The following CD226 variants were observed in gnomAD, a reference collection of about 807,000 sequenced individuals.
CD226 encodes the protein CD226 antigen.
In CD226, 24 loss-of-function variants were observed where a neutral mutation model predicts 34.9. That is an observed-to-expected ratio of 0.69 (90% CI 0.50 to 0.97). The LOEUF (loss-of-function observed/expected upper bound fraction) is 0.97. CD226 is among the 50% of genes least tolerant of loss of function. The pLI, the probability that CD226 is intolerant of heterozygous loss-of-function variation, is 0.00. For synonymous variants in CD226, 148 were observed against 147.4 expected, an observed-to-expected ratio of 1.00 and a Z score of -0.03; for missense variants, 397 against 412.7, an observed-to-expected ratio of 0.96 and a Z score of 0.33.
intron 2 of CD226, among the ~76,000 whole-genome samples, chr18:69,906,130 G>A (rs1475533527): frequency 1.3e-5 from 2 of 152,076 alleles, no homozygotes; most frequent in South Asian, 2.1e-4. Flanking sequence ...CATTTGTGAT[G>A]CATGACATAT....
chr18:69,947,055 C>T lies in CD226; in HGVS notation c.61G>A (p.Val21Met), dbSNP rs1233302657. 1.2e-6 allele frequency: 2 copies of T among 1,613,312 alleles called. No homozygotes were observed. The highest frequency in any genetic ancestry group is 2.7e-5 in the African/African-American group (2 of 74,876). Residue 21 changes from valine (V) to methionine (M), a missense_variant, in exon 2 of 6, where the codon GTG becomes ATG. Physicochemically the swap from Val to Met is conservative, Grantham distance 21. Coordinates refer to ENST00000582621, the MANE Select transcript of CD226 (RefSeq NM_001303618.2). ...LHVYRALCEE[V>M]LWHTSVPFAE... Reference sequence around the variant, plus strand: ...AAGGGAACTGATGTATGCCAAAGCACCTCTTCACATAGAGCTGAAATATAC... The same window carrying T: ...AAGGGAACTGATGTATGCCAAAGCATCTCTTCACATAGAGCTGAAATATAC...
chr18:69,960,008 A>T (rs1352829508), upstream of CD226, among the ~76,000 whole-genome samples: 3 of 152,208 alleles, frequency 2.0e-5, no homozygotes, highest in Non-Finnish European at 4.4e-5. Flanking sequence ...GCACTTTGGG[A>T]GGCCAAGGCA....
rs372770627 is a variant in CD226, at chr18:69,955,660, G to A, written c.-28+1095C>T. On this transcript the variant is annotated intron_variant, in intron 1 of 6. Transcript: ENST00000280200. ...GGGCGGATCATGAGGTCAGGAGATC[G>A]AGACCATCGTGGCTAACACGGTGAA... Among the ~76,000 whole-genome samples, 44 of 152,120 alleles carry A rather than the reference G, an allele frequency of 2.9e-4. 1 individual carries two copies. Among genetic ancestry groups the A allele is most frequent in the African/African-American group, 1.1e-3 (44 of 41,524 alleles).
intron 2 of CD226, among the ~76,000 whole-genome samples, chr18:69,907,379 G>C (rs2055268244): frequency 1.3e-5 from 2 of 152,102 alleles, no homozygotes; most frequent in African/African-American, 4.8e-5. Context: ...TGCAGTGATG[G>C]TATCTTGACT....
chr18:69,872,794 T>G (rs1437575040), intron 4 of CD226, among the ~76,000 whole-genome samples: 2 of 152,198 alleles, frequency 1.3e-5, no homozygotes, highest in African/African-American at 4.8e-5. Flanking sequence ...CTGTTAAACC[T>G]TGTTCTTCCC....
At chr18:69,891,370 C>A (rs924284222) in intron 3 of CD226, among the ~76,000 whole-genome samples, 1 of 151,784 alleles carries the variant, frequency 6.6e-6, no homozygotes, top group Non-Finnish European at 1.5e-5. Context: ...AAGCCCACAG[C>A]TAACATCATA....
chr18:69,938,457 G>T (rs757320118), intron 2 of CD226, among the ~76,000 whole-genome samples: 1 of 152,128 alleles, frequency 6.6e-6, no homozygotes, highest in African/African-American at 2.4e-5. Flanking sequence ...ATCCACATGT[G>T]CTGGATGATC....
intron 2 of CD226, among the ~76,000 whole-genome samples, chr18:69,901,783 G>A (rs970689499): frequency 1.3e-5 from 2 of 151,928 alleles, no homozygotes; most frequent in African/African-American, 2.4e-5. Flanking sequence ...GGAGGCTGAG[G>A]CAGAAGAATG....
At chr18:69,883,314 A>C (rs562787573) in intron 3 of CD226, among the ~76,000 whole-genome samples, 1 of 152,204 alleles carries the variant, frequency 6.6e-6, no homozygotes, top group Non-Finnish European at 1.5e-5. Flanking sequence ...AAATGGCAAA[A>C]AATAGACTAT....
At position 69,946,721 on chromosome 18, in the gene CD226, A is replaced by C. The variant is rs776511172; in HGVS notation, c.382+13T>G. On this transcript the variant is annotated intron_variant, in intron 2 of 5. Transcript: ENST00000582621. ...TAAAAAGGGATTTAAAAAAAAAAAA[A>C]ACTTGCCCTTACCTGACTGAACCAC... 141 of 1,555,110 alleles carry C rather than the reference A, an allele frequency of 9.1e-5. No homozygotes were observed. Among genetic ancestry groups the C allele is most frequent in the Middle Eastern group, 6.9e-4 (4 of 5,794 alleles).
At chr18:69,949,022 G>A (rs1296341344), upstream of CD226, among the ~76,000 whole-genome samples, 1 of 152,184 alleles carries the variant, frequency 6.6e-6, no homozygotes, top group Non-Finnish European at 1.5e-5. Flanking sequence ...AAACAGAGGC[G>A]TGACAATGCG....
intron 3 of CD226, among the ~76,000 whole-genome samples, chr18:69,885,127 A>C (rs1321510271): frequency 1.3e-5 from 2 of 152,274 alleles, no homozygotes; most frequent in East Asian, 1.9e-4. Flanking sequence ...GGAAATAGGA[A>C]ATTTTTCAAA....
chr18:69,886,345 G>C (rs1188261970), intron 3 of CD226, among the ~76,000 whole-genome samples: 1 of 152,174 alleles, frequency 6.6e-6, no homozygotes, highest in African/African-American at 2.4e-5. Context: ...TAGCGACCAA[G>C]ACAAAGCCCT....
intron 2 of CD226, among the ~76,000 whole-genome samples, chr18:69,917,354 C>T (rs1334330079): frequency 1.3e-5 from 2 of 152,174 alleles, no homozygotes; most frequent in Non-Finnish European, 2.9e-5. Context: ...CACTCCATCT[C>T]ACGTCTGAAC....
At chr18:69,868,071 C>T (rs1983260438) in intron 4 of CD226, among the ~76,000 whole-genome samples, 1 of 152,258 alleles carries the variant, frequency 6.6e-6, no homozygotes, top group African/African-American at 2.4e-5. Flanking sequence ...TCTGCAACCA[C>T]AGTATTCAAT....
intron 3 of CD226, among the ~76,000 whole-genome samples, chr18:69,887,734 T>C (rs947902816): frequency 3.3e-5 from 5 of 152,196 alleles, no homozygotes; most frequent in African/African-American, 1.2e-4. Context: ...ATCTAAAGGA[T>C]TGTGAACACC....
At chr18:69,958,169 C>T (rs1338559878), upstream of CD226, among the ~76,000 whole-genome samples, 1 of 152,178 alleles carries the variant, frequency 6.6e-6, no homozygotes, top group African/African-American at 2.4e-5. Context: ...TTGCCACATC[C>T]TATTATGCCT....
At chr18:69,871,883 C>T (rs1056617190) in intron 4 of CD226, among the ~76,000 whole-genome samples, 8 of 152,106 alleles carry the variant, frequency 5.3e-5, no homozygotes, top group African/African-American at 1.7e-4. Flanking sequence ...ACATGCCAAC[C>T]CAGCCTTCAG....
rs1299657342 is a variant in CD226 at position 69,895,803 on chromosome 18, T to C, written c.625A>G (p.Ile209Val). The C allele has an allele frequency of 1.2e-6, 2 of 1,614,032 alleles. No homozygotes were observed. Among genetic ancestry groups the C allele is most frequent in the Admixed American group, 3.3e-5 (2 of 60,014 alleles). ...CSHGRWSVIV[I>V]PDVTVSDSGL... Reference sequence around the variant, plus strand: ...GAGTCTGAGACTGTGACATCGGGGATGACGATGACGCTCCACCTTCCGTGG... The same window carrying C: ...GAGTCTGAGACTGTGACATCGGGGACGACGATGACGCTCCACCTTCCGTGG... The change falls in exon 3 of 6, where the codon ATC becomes GTC. Residue 209 changes from isoleucine to valine, a missense_variant. Coordinates refer to ENST00000582621, the MANE Select transcript of CD226 (RefSeq NM_001303618.2).
Sources: allele counts gnomAD v4.1 joint callset (sites outside exome capture counted in the v4.1 genomes callset), GRCh38; gene constraint gnomAD v4.1.1; transcripts MANE v1.5; gene names NCBI Gene and HGNC (gene_info 2026-07-23, HGNC 2026-07-21).